GOSR2: variants seen among roughly 807,000 people sequenced by gnomAD.
The protein encoded by GOSR2 is 27 kDa Golgi SNARE protein.
In GOSR2, 20 loss-of-function variants were observed where a neutral mutation model predicts 27.9. The ratio of observed to expected loss-of-function variants is 0.72; its 90% confidence interval spans 0.50 to 1.04. The LOEUF is 1.04. GOSR2 is among the 50% of genes least tolerant of loss of function. The probability of loss-of-function intolerance (pLI) is 0.00; values close to 1 mark genes in which losing one functional copy is unlikely to be tolerated. For missense variants in GOSR2, 261 were observed against 270.5 expected (o/e 0.97, Z 0.25); for synonymous variants, 91 against 98.8 (o/e 0.92, Z 0.47).
chr17:46,949,981 A>G (rs1022969022), intron 6 of GOSR2, among the ~76,000 whole-genome samples: 1 of 152,226 alleles, frequency 6.6e-6, no homozygotes, highest in Non-Finnish European at 1.5e-5. Context: ...TGCACACAGT[A>G]GGCACTTCAT....
At chr17:46,950,363 T>G (rs1599154075) in intron 6 of GOSR2, among the ~76,000 whole-genome samples, 2 of 149,826 alleles carry the variant, frequency 1.3e-5, no homozygotes, top group African/African-American at 2.5e-5. Flanking sequence ...GCCAGGAGGG[T>G]GAGGATGGAG....
intron 5 of GOSR2, chr17:46,935,463 A>G (rs1161581140): frequency 1.5e-6 from 2 of 1,377,910 alleles, no homozygotes; most frequent in Non-Finnish European, 1.9e-6. Context: ...GAGGGGTCCA[A>G]TCACAGGCTG....
chr17:46,931,343 C>T (rs1295496999), intron 3 of GOSR2, 136 bp downstream of exon 3: 19 of 686,070 alleles, frequency 2.8e-5, no homozygotes, highest in East Asian at 2.2e-4. Flanking sequence ...GAAAAAGCCC[C>T]CTCAAAGGGC....
At chr17:46,942,096 A>G, downstream of GOSR2, 1 of 277,272 alleles carries the variant, frequency 3.6e-6, no homozygotes, top group Non-Finnish European at 5.5e-6. Flanking sequence ...GCACAAGAAC[A>G]AATCAAGTCA....
At chr17:46,956,141 C>T (rs1599195966) in intron 6 of GOSR2, among the ~76,000 whole-genome samples, 1 of 152,106 alleles carries the variant, frequency 6.6e-6, no homozygotes, top group Non-Finnish European at 1.5e-5. Flanking sequence ...AGGGAAAAAC[C>T]GATTCACAGC....
intron 5 of GOSR2, chr17:46,936,617 G>C: frequency 1.0e-6 from 1 of 985,370 alleles, no homozygotes; most frequent in Non-Finnish European, 1.2e-6. Flanking sequence ...CTGATGACTG[G>C]GGCCAATTTG....
intron 1 of GOSR2, 152 bp downstream of exon 1, chr17:46,923,373 T>C: frequency 6.8e-7 from 1 of 1,471,700 alleles, no homozygotes; most frequent in Non-Finnish European, 9.0e-7. Flanking sequence ...GCTTAATCCT[T>C]GGCGGGACTC....
At chr17:46,926,703 C>A (rs1012125164) in intron 1 of GOSR2, among the ~76,000 whole-genome samples, 1 of 152,212 alleles carries the variant, frequency 6.6e-6, no homozygotes, top group Non-Finnish European at 1.5e-5. Flanking sequence ...TCCCACCTTG[C>A]CATTCATACT....
At chr17:46,937,851 A>T (rs1469536480) in intron 5 of GOSR2, 1 of 152,500 alleles carries the variant, frequency 6.6e-6, no homozygotes, top group Non-Finnish European at 1.5e-5. Flanking sequence ...TAGTGACACC[A>T]TTGTTTTCAG....
intron 6 of GOSR2, among the ~76,000 whole-genome samples, chr17:46,950,724 TCTGTGTG>T (rs1655011830): frequency 6.6e-6 from 1 of 152,006 alleles, no homozygotes; most frequent in Non-Finnish European, 1.5e-5. Flanking sequence ...CAGGGACTGG[TCTGTGTG>T]GGGGCACTCT....
At chr17:46,935,877 G>A in intron 5 of GOSR2, 2 of 985,982 alleles carry the variant, frequency 2.0e-6, no homozygotes, top group Non-Finnish European at 2.4e-6. Flanking sequence ...TGGATAATAG[G>A]GCGTGGGTTC....
chr17:46,964,310 C>G (rs1599246811), intron 6 of GOSR2: 1 of 152,436 alleles, frequency 6.6e-6, no homozygotes, highest in South Asian at 2.1e-4. Context: ...CCAGGGCTCT[C>G]TGACATCCAA....
intron 6 of GOSR2, among the ~76,000 whole-genome samples, chr17:46,950,489 C>T (rs1009482803): frequency 3.9e-5 from 6 of 152,164 alleles, no homozygotes; most frequent in African/African-American, 1.4e-4. Context: ...ACACTTGTCC[C>T]AGGGAAAGGC....
chr17:46,947,460 G>C (rs933768702), intron 6 of GOSR2, among the ~76,000 whole-genome samples: 6 of 152,338 alleles, frequency 3.9e-5, no homozygotes, highest in African/African-American at 1.2e-4. Context: ...TTACGTTCAT[G>C]CTGCTGAGAT....
intron 6 of GOSR2, among the ~76,000 whole-genome samples, chr17:46,961,221 A>G (rs1399426036): frequency 6.6e-6 from 1 of 152,182 alleles, no homozygotes; most frequent in African/African-American, 2.4e-5. Flanking sequence ...CAGAAATAAT[A>G]TGTATAATTT....
rs2147073330 is a variant in GOSR2, at chr17:46,939,997, T to C, written c.*1237T>C. ...AAAATGACACTCAAAATCCTTCAGA[T>C]CTGGAAACCGGCTCAGTATTAACCC... On this transcript the variant is annotated 3_prime_UTR_variant, in exon 6 of 6. Coordinates refer to ENST00000640051, the MANE Select transcript of GOSR2 (RefSeq NM_004287.5). 9.9e-7 allele frequency: 1 copy of C among 1,010,570 alleles called. No individual in the cohort carries two copies. 62.6% of individuals were successfully genotyped at this position (1,010,570 alleles called of 1,614,324 possible). A position where few individuals can be genotyped will look rare whatever the true frequency, so the allele number is the denominator to read the frequency against.
chr17:46,973,749 T>C (rs943747078), intron 6 of GOSR2, among the ~76,000 whole-genome samples: 1 of 152,016 alleles, frequency 6.6e-6, no homozygotes, highest in African/African-American at 2.4e-5. Context: ...GACAAGAATC[T>C]GCACTCAAGA....
chr17:46,923,565 A>AGAGGAGACACGGAG, intron 1 of GOSR2: 1 of 1,314,038 alleles, frequency 7.6e-7, no homozygotes, highest in Non-Finnish European at 9.7e-7. Context: ...GTAGACCTCG[A>AGAGGAGACACGGAG]GAGGAGACAC....
At chr17:46,953,010 C>A (rs992007799) in intron 6 of GOSR2, among the ~76,000 whole-genome samples, 3 of 151,776 alleles carry the variant, frequency 2.0e-5, no homozygotes, top group Non-Finnish European at 2.9e-5. Flanking sequence ...CCCCCAAATT[C>A]TTTTTGTTTT....
Sources: gnomAD v4.1 joint callset for allele counts (sites outside exome capture counted in the v4.1 genomes callset) on GRCh38, gnomAD v4.1.1 for gene constraint, MANE v1.5 for transcripts, NCBI Gene and HGNC (gene_info 2026-07-23, HGNC 2026-07-21) for gene names.